The following COL4A6 variants were observed in gnomAD, a reference collection of about 807,000 sequenced individuals.
COL4A6 encodes the protein collagen type IV alpha 6 chain.
COL4A6 carries 59 observed loss-of-function variants against 126.7 expected under a neutral mutation model. That is an observed-to-expected ratio of 0.47 (90% CI 0.38 to 0.58). The LOEUF is 0.58. Ranked by LOEUF, COL4A6 falls within the 20% of genes least tolerant of loss-of-function variation. COL4A6 has a pLI of 0.00. For synonymous variants in COL4A6, 547 were observed against 496.6 expected (o/e 1.10, Z -1.35); for missense variants, 1,285 against 1,337.3 (o/e 0.96, Z 0.61).
At position 108,181,244 on chromosome X, in the gene COL4A6, A is replaced by G. The variant is rs1040989249; in HGVS notation, c.1952-276T>C. Among the ~76,000 whole-genome samples, 9 of 112,516 alleles carry G rather than the reference A, an allele frequency of 8.0e-5. No individual in the cohort carries two copies. The Admixed American group carries it at 8.4e-4, about 11-fold the overall frequency. On this transcript the variant is annotated intron_variant, in intron 23 of 44. Coordinates refer to ENST00000334504, the MANE Select transcript of COL4A6 (RefSeq NM_033641.4). ...GGGCAAACAGTCACCTATGCAGCAGATGTTACCTAACAAGGTTTCTTAGAG... is the reference window on the plus strand; with the variant it reads ...GGGCAAACAGTCACCTATGCAGCAGGTGTTACCTAACAAGGTTTCTTAGAG...
intron 3 of COL4A6, among the ~76,000 whole-genome samples, chrX:108,272,080 C>T (rs1480975462): frequency 9.0e-6 from 1 of 111,547 alleles, no homozygotes; most frequent in Non-Finnish European, 1.9e-5. Flanking sequence ...ATAGGTCTTT[C>T]ACATTTGCTT....
chrX:108,164,530 C>T (rs2034060314), intron 40 of COL4A6, 70 bp downstream of exon 40: 2 of 990,568 alleles, frequency 2.0e-6, no homozygotes, highest in African/African-American at 1.9e-5. Context: ...AGCAATGATG[C>T]CTGAAGGAAC....
At chrX:108,176,766 A>G (rs2034503608) in intron 28 of COL4A6, 75 bp downstream of exon 28, 1 of 1,037,584 alleles carries the variant, frequency 9.6e-7, no homozygotes, top group Admixed American at 2.9e-5. Flanking sequence ...CTAGGCAGAG[A>G]GGAAGGAGCA....
intron 9 of COL4A6, 63 bp from the exon 10 acceptor site, chrX:108,205,758 G>A: frequency 2.0e-6 from 2 of 996,280 alleles, no homozygotes; most frequent in South Asian, 4.1e-5. Flanking sequence ...AAAGAACACG[G>A]CATGTTGAGA....
At chrX:108,422,793 CT>C (rs987325727) in intron 2 of COL4A6, among the ~76,000 whole-genome samples, 8 of 111,878 alleles carry the variant, frequency 7.2e-5, no homozygotes, top group Non-Finnish European at 1.3e-4. Flanking sequence ...AAAGTTTAGG[CT>C]GAGGGCTCAA....
At position 108,200,544 on chromosome X, in the gene COL4A6, T is replaced by A. The variant is rs776594503; in HGVS notation, c.834+2384A>T. On this transcript the variant is annotated intron_variant, in intron 13 of 44. Coordinates refer to ENST00000334504, the MANE Select transcript of COL4A6 (RefSeq NM_033641.4). ...TACTCATATGCAGAAACTAAAAAAA[T>A]TTATCTCATGGAGGTAGAAATTAAA... Among the ~76,000 whole-genome samples the A allele has an allele frequency of 3.6e-5, 4 of 111,757 alleles. No homozygotes were observed. In the South Asian group the frequency reaches 1.1e-3, roughly 32 times the overall value.
At chrX:108,356,345 A>AT (rs2039960390) in intron 2 of COL4A6, among the ~76,000 whole-genome samples, 1 of 110,830 alleles carries the variant, frequency 9.0e-6, no homozygotes. Flanking sequence ...ATAAAATAAA[A>AT]TAAAAAAAAG....
At chrX:108,277,303 G>A (rs910921463) in intron 3 of COL4A6, among the ~76,000 whole-genome samples, 4 of 112,075 alleles carry the variant, frequency 3.6e-5, no homozygotes, top group African/African-American at 9.7e-5. Flanking sequence ...GCGCTTTTCC[G>A]GTGGGCTTAA....
intron 2 of COL4A6, among the ~76,000 whole-genome samples, chrX:108,436,975 T>A (rs1032676118): frequency 9.0e-6 from 1 of 111,389 alleles, no homozygotes; most frequent in African/African-American, 3.3e-5. Flanking sequence ...ACAAGATAAA[T>A]ATTTGGAATA....
intron 3 of COL4A6, among the ~76,000 whole-genome samples, chrX:108,298,010 GAA>G (rs995428654): frequency 1.4e-4 from 15 of 110,543 alleles, no homozygotes; most frequent in African/African-American, 4.9e-4. Flanking sequence ...CATAATCAAG[GAA>G]AGACTTTTCA....
chrX:108,334,627 T>A (rs1269278902), intron 2 of COL4A6, among the ~76,000 whole-genome samples: 1 of 111,467 alleles, frequency 9.0e-6, no homozygotes, highest in African/African-American at 3.3e-5. Flanking sequence ...CTGAGTGACC[T>A]TGGACAACTC....
chrX:108,269,739 A>G (rs2037400522), intron 3 of COL4A6, among the ~76,000 whole-genome samples: 1 of 112,192 alleles, frequency 8.9e-6, no homozygotes, highest in African/African-American at 3.2e-5. Context: ...TGGTTCAATT[A>G]TCATGTGACG....
chrX:108,392,692 G>A (rs996089707), intron 2 of COL4A6, among the ~76,000 whole-genome samples: 1 of 111,232 alleles, frequency 9.0e-6, no homozygotes, highest in South Asian at 3.8e-4. Flanking sequence ...GCCTTCAGGA[G>A]GTGATTAGGT....
At chrX:108,294,514 G>T (rs1382875984) in intron 3 of COL4A6, among the ~76,000 whole-genome samples, 3 of 108,929 alleles carry the variant, frequency 2.8e-5, no homozygotes, top group African/African-American at 1.0e-4. Flanking sequence ...GGAGAAAAGG[G>T]GAAGAAGTAG....
At chrX:108,277,749 G>C (rs897823634) in intron 3 of COL4A6, among the ~76,000 whole-genome samples, 13 of 111,732 alleles carry the variant, frequency 1.2e-4, no homozygotes, top group African/African-American at 4.2e-4. Flanking sequence ...CCCCAGCAGG[G>C]GCAGACTGAC....
intron 3 of COL4A6, among the ~76,000 whole-genome samples, chrX:108,308,647 A>G (rs772860085): frequency 2.7e-5 from 3 of 112,421 alleles, no homozygotes; most frequent in Admixed American, 9.4e-5. Flanking sequence ...TTCACTCATC[A>G]TATTAGCAAA....
intron 2 of COL4A6, among the ~76,000 whole-genome samples, chrX:108,408,334 A>G (rs894964120): frequency 5.0e-4 from 26 of 51,921 alleles, no homozygotes; most frequent in Non-Finnish European, 1.7e-4. Flanking sequence ...GAAAAGAAAG[A>G]GAGAAAGAAA....
At chrX:108,429,199 C>T (rs1425574960) in intron 2 of COL4A6, among the ~76,000 whole-genome samples, 7 of 112,136 alleles carry the variant, frequency 6.2e-5, no homozygotes, top group Non-Finnish European at 7.5e-5. Flanking sequence ...AAAGGCAAAA[C>T]TACAATAATA....
intron 43 of COL4A6, 198 bp from the exon 44 acceptor site, chrX:108,159,946 A>C (rs2033868386): frequency 2.0e-6 from 1 of 511,279 alleles, no homozygotes; most frequent in Admixed American, 2.7e-5. Flanking sequence ...GATAATAACA[A>C]GAATCTTTTT....
Sources: allele counts gnomAD v4.1 joint callset (sites outside exome capture counted in the v4.1 genomes callset), GRCh38; gene constraint gnomAD v4.1.1; transcripts MANE v1.5; gene names NCBI Gene and HGNC (gene_info 2026-07-23, HGNC 2026-07-21).